Variants in DEGS2 observed in about 807,000 individuals in gnomAD.
The protein encoded by DEGS2 is sphingolipid delta(4)-desaturase/C4-monooxygenase DES2.
DEGS2 carries 19 observed loss-of-function variants against 23.8 expected under a neutral mutation model. That is an observed-to-expected ratio of 0.80 (90% CI 0.56 to 1.17). The LOEUF is 1.17. Among genes scored for constraint, DEGS2 ranks in the 50% most tolerant of loss-of-function variants. The pLI is 0.00. For synonymous variants in DEGS2, 218 were observed against 213.7 expected, an observed-to-expected ratio of 1.02 and a Z score of -0.18; for missense variants, 390 against 459.5, an observed-to-expected ratio of 0.85 and a Z score of 1.38.
chr14:100,166,327 C>G, the DEGS2 span, among the ~76,000 whole-genome samples: 8,232 of 19,244 alleles, frequency 0.43, 1,623 homozygotes, highest in Admixed American at 0.45. Flanking sequence ...CTGCCCGGGG[C>G]TGTGGGGGAG....
intron 1 of DEGS2, among the ~76,000 whole-genome samples, chr14:100,156,311 C>G (rs753456028): frequency 3.3e-5 from 5 of 152,250 alleles, no homozygotes; most frequent in Non-Finnish European, 5.9e-5. Flanking sequence ...GGCAGTTACA[C>G]AGAGCATTTC....
rs540184215 is a variant in DEGS2, at chr14:100,148,438, C to A, written c.825+530G>T. Among the ~76,000 whole-genome samples, 18 of 151,386 alleles carry A rather than the reference C, an allele frequency of 1.2e-4. No individual in the cohort carries two copies. The South Asian group carries it at 1.9e-3, about 16-fold the overall frequency. On this transcript the variant is annotated intron_variant, in intron 2 of 2. Transcript: ENST00000305631. ...TGAGGGACGGCTCCTCCTCCCCCTTCCCCTTCCTCCTTTCTCATTCAGAAA... is the reference window on the plus strand; with the variant it reads ...TGAGGGACGGCTCCTCCTCCCCCTTACCCTTCCTCCTTTCTCATTCAGAAA...
In DEGS2 at chr14:100,146,817, G is replaced by A; in HGVS notation, c.916C>T (p.Leu306=). The A allele has an allele frequency of 6.2e-7, 1 of 1,613,828 alleles. No homozygotes were observed. The highest frequency in any genetic ancestry group is 1.7e-5 in the Admixed American group (1 of 60,008). Residue 306 remains leucine, a synonymous_variant, in exon 3 of 3, where the codon CTG becomes TTG. Coordinates refer to ENST00000305631, the MANE Select transcript of DEGS2 (RefSeq NM_206918.3). ...VLWDFVFEDS[L]GPYARVKRVY... ...CGCTTCACCCTGGCATAGGGCCCCA[G>A]GGAGTCCTCAAACACAAAATCCCAG...
chr14:100,166,295 CTG>C, the DEGS2 span, among the ~76,000 whole-genome samples: 1 of 49,738 alleles, frequency 2.0e-5, no homozygotes, highest in African/African-American at 1.4e-4. Context: ...TGGGGGGAGC[CTG>C]CCCGGGGCTG....
chr14:100,162,489 G>C (rs73349596), upstream of DEGS2, among the ~76,000 whole-genome samples: 1 of 152,282 alleles, frequency 6.6e-6, no homozygotes, highest in African/African-American at 2.4e-5. Context: ...GGCTGGTCTT[G>C]AACTCCTGGA....
In DEGS2 at chr14:100,149,483, G is replaced by A. The variant is rs145911498; in HGVS notation, c.310C>T (p.Arg104Cys). ...NAAFGTGRAA[R>C]NRWLAVFANL... is the part of the protein sequence containing the mutation. ...GCGAACACGGCCAGCCAGCGGTTGC[G>A]TGCCGCACGGCCCGTGCCGAAGGCC... The change falls in exon 2 of 3, where the codon CGC (arginine) becomes TGC (cysteine). Residue 104 changes from arginine to cysteine, a missense_variant. By Grantham distance (180) the Arg-to-Cys change is radical (BLOSUM62 -3). Transcript: ENST00000305631. 123 of 1,598,226 alleles carry A rather than the reference G, an allele frequency of 7.7e-5. No individual in the cohort carries two copies. Among genetic ancestry groups the A allele is most frequent in the East Asian group, 4.5e-4 (20 of 44,402 alleles).
the DEGS2 span, among the ~76,000 whole-genome samples, chr14:100,165,796 C>T: frequency 1.4e-5 from 2 of 141,962 alleles, no homozygotes; most frequent in South Asian, 2.2e-4. Context: ...GGCGGCCCTG[C>T]TAAGTGGGGG....
chr14:100,163,382 C>T (rs1889771764), upstream of DEGS2, among the ~76,000 whole-genome samples: 2 of 152,034 alleles, frequency 1.3e-5, no homozygotes, highest in South Asian at 4.2e-4. Context: ...GCAGAGGTTG[C>T]GGTGAGCTGA....
upstream of DEGS2, among the ~76,000 whole-genome samples, chr14:100,161,498 C>T (rs1437767433): frequency 1.3e-5 from 2 of 152,192 alleles, no homozygotes; most frequent in African/African-American, 4.8e-5. Context: ...TGCGTCCCCA[C>T]CCTGTCCGTT....
In DEGS2 at chr14:100,145,299, AGCCTGTGGGCGG is replaced by A; in HGVS notation, c.*1450_*1461del. On this transcript the variant is annotated 3_prime_UTR_variant, in exon 3 of 3. Transcript: ENST00000305631. ...GGAGCGGGTGCTCTGGGTTCCCCTCAGCCTGTGGGCGGGCCTGTGTGCACAGGGAGGGGCCGC... is the reference window on the plus strand; with the variant it reads ...GGAGCGGGTGCTCTGGGTTCCCCTCAGCCTGTGTGCACAGGGAGGGGCCGC... 6.6e-6 allele frequency: 1 copy of A among 152,328 alleles called. No homozygotes were observed. Among genetic ancestry groups the A allele is most frequent in the South Asian group, 2.1e-4 (1 of 4,828 alleles). 9.4% of individuals were successfully genotyped at this position (152,328 alleles called of 1,614,324 possible). A position where few individuals can be genotyped will look rare whatever the true frequency, so the allele number is the denominator to read the frequency against.
chr14:100,152,197 C>T (rs1480462224), intron 1 of DEGS2, among the ~76,000 whole-genome samples: 1 of 152,076 alleles, frequency 6.6e-6, no homozygotes, highest in African/African-American at 2.4e-5. Flanking sequence ...GGTGGGTCTG[C>T]CTAGGGCATG....
At chr14:100,157,362 G>A (rs958023620) in intron 1 of DEGS2, among the ~76,000 whole-genome samples, 1 of 152,212 alleles carries the variant, frequency 6.6e-6, no homozygotes, top group African/African-American at 2.4e-5. Context: ...GATACCCAAT[G>A]AGTCCTGTGA....
the DEGS2 span, among the ~76,000 whole-genome samples, chr14:100,166,330 T>TGGGGGAGCCTGTCTGGGGGAGTG: frequency 3.1e-5 from 1 of 32,226 alleles, no homozygotes; most frequent in Non-Finnish European, 5.6e-5. Flanking sequence ...CCCGGGGCTG[T>TGGGGGAGCCTGTCTGGGGGAGTG]GGGGGAGCCT....
At chr14:100,151,781 C>T (rs1889576221) in intron 1 of DEGS2, among the ~76,000 whole-genome samples, 1 of 152,238 alleles carries the variant, frequency 6.6e-6, no homozygotes, top group Non-Finnish European at 1.5e-5. Context: ...GAAGCCCTGT[C>T]TTAGGAGTGG....
At chr14:100,147,803 A>G (rs1222198590) in intron 2 of DEGS2, among the ~76,000 whole-genome samples, 1 of 152,082 alleles carries the variant, frequency 6.6e-6, no homozygotes, top group Non-Finnish European at 1.5e-5. Flanking sequence ...TGCTCAGGAA[A>G]GGTAAAGGCT....
At chr14:100,156,333 G>A (rs1280801993) in intron 1 of DEGS2, among the ~76,000 whole-genome samples, 1 of 152,218 alleles carries the variant, frequency 6.6e-6, no homozygotes, top group South Asian at 2.1e-4. Flanking sequence ...CCAAGGCCTG[G>A]GAATAGCATA....
At chr14:100,162,183 T>G (rs571727281), upstream of DEGS2, among the ~76,000 whole-genome samples, 1 of 150,132 alleles carries the variant, frequency 6.7e-6, no homozygotes, top group East Asian at 2.0e-4. Context: ...CCGTCTCTAC[T>G]AAAAATACAA....
At chr14:100,153,246 C>CA (rs977708723) in intron 1 of DEGS2, among the ~76,000 whole-genome samples, 3 of 140,140 alleles carry the variant, frequency 2.1e-5, no homozygotes, top group Non-Finnish European at 4.6e-5. Context: ...ACAGTAATGG[C>CA]AAAAACAGAT....
chr14:100,146,409 A>C lies in DEGS2; in HGVS notation c.*352T>G. The C allele has an allele frequency of 4.1e-6, 1 of 241,800 alleles. No homozygotes were observed. The highest frequency in any genetic ancestry group is 8.0e-6 in the Non-Finnish European group (1 of 124,474). 15.0% of individuals were successfully genotyped at this position (241,800 alleles called of 1,614,324 possible). A position where few individuals can be genotyped will look rare whatever the true frequency, so the allele number is the denominator to read the frequency against. On this transcript the variant is annotated 3_prime_UTR_variant, in exon 3 of 3. Transcript: ENST00000305631. ...CCCAGACCACCCCCTCAGAAGCACA[A>C]TCCATGGGCTGTGAAACAAACGCCG...
Sources: gnomAD v4.1 joint callset for allele counts (sites outside exome capture counted in the v4.1 genomes callset) on GRCh38, gnomAD v4.1.1 for gene constraint, MANE v1.5 for transcripts, NCBI Gene and HGNC (gene_info 2026-07-23, HGNC 2026-07-21) for gene names.